Variants in KCNG3 observed in about 807,000 individuals in gnomAD.
The protein encoded by KCNG3 is voltage-gated potassium channel regulatory subunit KCNG3.
A neutral mutation model predicts 29.0 loss-of-function variants in KCNG3; 15 were observed. That is an observed-to-expected ratio of 0.52 (90% confidence interval 0.35 to 0.80). KCNG3 has a LOEUF of 0.80. Ranked by LOEUF, KCNG3 falls within the 30% of genes least tolerant of loss-of-function variation. The pLI, the probability that KCNG3 is intolerant of heterozygous loss-of-function variation, is 0.01. For missense variants in KCNG3, 512 were observed against 605.7 expected (o/e 0.85, Z 1.62); for synonymous variants, 322 against 248.9 (o/e 1.29, Z -2.76).
chr2:42,425,000 G>C, the KCNG3 span: 1 of 152,118 alleles, frequency 6.6e-6, no homozygotes, highest in South Asian at 2.1e-4. Flanking sequence ...AGGGCCTGCT[G>C]CGACAATCAG....
At chr2:42,472,497 G>C (rs946396224) in intron 1 of KCNG3, among the ~76,000 whole-genome samples, 1 of 149,242 alleles carries the variant, frequency 6.7e-6, no homozygotes, top group Non-Finnish European at 1.5e-5. Flanking sequence ...AGTAAACTTC[G>C]ACTGCATTTT....
chr2:42,433,670 TG>T, the KCNG3 span, among the ~76,000 whole-genome samples: 24 of 152,012 alleles, frequency 1.6e-4, no homozygotes, highest in Middle Eastern at 6.8e-3. Flanking sequence ...ACCCGAGAGG[TG>T]GGGGTGCAGT....
rs1456114525 is a variant in KCNG3 at position 42,444,459 on chromosome 2, G to A, written c.786C>T (p.Ile262=). The change falls in exon 2 of 2, where the codon ATC becomes ATT. Residue 262 remains isoleucine, a synonymous_variant. Coordinates refer to ENST00000306078, the MANE Select transcript of KCNG3 (RefSeq NM_133329.6). This position sits in a 1 kb window ranked among gnomAD's most constrained non-coding sequence, Gnocchi z 5.8. ...TCAACACAGAGATGTAATACGGCGT[G>A]ATTGCCAGTAAATCAATGATGTTCA... ...RPLNIIDLLA[I]TPYYISVLMT... is the part of the protein sequence containing the mutation. 2 of 1,614,072 alleles carry A rather than the reference G, an allele frequency of 1.2e-6. No individual in the cohort carries two copies. The highest frequency in any genetic ancestry group is 1.7e-6 in the Non-Finnish European group (2 of 1,180,058).
Position 42,442,200 on chromosome 2 carries a change from T to C in KCNG3, c.*1734A>G, listed in dbSNP as rs541733536. Reference sequence around the variant, plus strand: ...GAATTTCTTTTGGGTATGTAAGAAGTAGCATACTAGCAGTAATAGGGAAAA... The same window carrying C: ...GAATTTCTTTTGGGTATGTAAGAAGCAGCATACTAGCAGTAATAGGGAAAA... On this transcript the variant is annotated 3_prime_UTR_variant, in exon 2 of 2. Coordinates refer to ENST00000306078, the MANE Select transcript of KCNG3 (RefSeq NM_133329.6). 1.3e-4 allele frequency: 20 copies of C among 152,256 alleles called. No homozygotes were observed. The highest frequency in any genetic ancestry group is 4.3e-4 in the African/African-American group (18 of 41,556). The allele number at this position is 152,256 out of a possible 1,614,324, so 9.4% of individuals were successfully genotyped here.
the KCNG3 span, among the ~76,000 whole-genome samples, chr2:42,398,253 AAATAAAT>A: frequency 3.9e-4 from 50 of 129,732 alleles, no homozygotes; most frequent in Non-Finnish European, 4.6e-4. Flanking sequence ...ATAAATAAAT[AAATAAAT>A]AAATAAAATA....
the KCNG3 span, among the ~76,000 whole-genome samples, chr2:42,427,160 G>A: frequency 3.9e-5 from 6 of 152,120 alleles, no homozygotes; most frequent in Admixed American, 3.9e-4. Flanking sequence ...AGGCTACTTC[G>A]ATGTATTTTC....
the KCNG3 span, among the ~76,000 whole-genome samples, chr2:42,429,915 G>C: frequency 1.3e-5 from 2 of 152,194 alleles, no homozygotes; most frequent in African/African-American, 2.4e-5. Context: ...ACCAGACTCA[G>C]CCAGGCAGCT....
At chr2:42,475,274 T>C (rs1164876918) in intron 1 of KCNG3, among the ~76,000 whole-genome samples, 1 of 151,250 alleles carries the variant, frequency 6.6e-6, no homozygotes, top group Non-Finnish European at 1.5e-5. Context: ...CAGTGAGTTA[T>C]GATCACACCA....
chr2:42,390,886 A>G, the KCNG3 span, among the ~76,000 whole-genome samples: 1 of 152,192 alleles, frequency 6.6e-6, no homozygotes, highest in South Asian at 2.1e-4. Context: ...CGAGAGTCCA[A>G]TTTGGACTCT....
At chr2:42,477,382 T>TACACACACACACACACACACACACACAC (rs1328091998) in intron 1 of KCNG3, among the ~76,000 whole-genome samples, 2 of 105,204 alleles carry the variant, frequency 1.9e-5, no homozygotes, top group Admixed American at 1.1e-4. Flanking sequence ...TACACACACA[T>TACACACACACACACACACACACACACAC]ATATATACAC....
chr2:42,423,701 T>C, the KCNG3 span, among the ~76,000 whole-genome samples: 1 of 152,052 alleles, frequency 6.6e-6, no homozygotes, highest in African/African-American at 2.4e-5. Context: ...ACGTCTTCAA[T>C]GTTTTATTAC....
intron 1 of KCNG3, among the ~76,000 whole-genome samples, chr2:42,487,224 T>C (rs1371782380): frequency 6.6e-6 from 1 of 151,280 alleles, no homozygotes; most frequent in Non-Finnish European, 1.5e-5. Context: ...AACAAATAGA[T>C]AGTGAAAGTG....
downstream of KCNG3, among the ~76,000 whole-genome samples, chr2:42,437,181 T>TA (rs1672391718): frequency 6.6e-6 from 1 of 152,144 alleles, no homozygotes. Context: ...GATGCATACA[T>TA]AAAAAATATA....
chr2:42,448,606 G>A (rs968910942), intron 1 of KCNG3, among the ~76,000 whole-genome samples: 5 of 152,046 alleles, frequency 3.3e-5, no homozygotes, highest in African/African-American at 1.2e-4. Context: ...GTTGACCCCT[G>A]AATAACATGG....
chr2:42,389,129 G>T, the KCNG3 span, among the ~76,000 whole-genome samples: 1 of 152,094 alleles, frequency 6.6e-6, no homozygotes, highest in Non-Finnish European at 1.5e-5. Flanking sequence ...TGTTGGCCAG[G>T]CTGGTCTCAA....
chr2:42,405,187 G>A, the KCNG3 span, among the ~76,000 whole-genome samples: 10 of 152,312 alleles, frequency 6.6e-5, no homozygotes, highest in South Asian at 1.0e-3. Context: ...TATCTAATAC[G>A]TCTGGAATCA....
At chr2:42,448,756 G>A (rs1327775170) in intron 1 of KCNG3, among the ~76,000 whole-genome samples, 1 of 152,128 alleles carries the variant, frequency 6.6e-6, no homozygotes, top group Non-Finnish European at 1.5e-5. Context: ...TTGGGAGGCC[G>A]AAGCGGGCGG....
intron 1 of KCNG3, among the ~76,000 whole-genome samples, chr2:42,468,534 C>A (rs1308148310): frequency 1.2e-4 from 19 of 152,076 alleles, no homozygotes; most frequent in Admixed American, 2.6e-4. Context: ...AGATATAAAT[C>A]TAACAAAAGA....
chr2:42,455,164 A>G (rs1414503472), intron 1 of KCNG3, among the ~76,000 whole-genome samples: 2 of 152,132 alleles, frequency 1.3e-5, no homozygotes, highest in Non-Finnish European at 2.9e-5. Flanking sequence ...TATGTTCTTT[A>G]TATTTTGTAG....
Sources: allele counts gnomAD v4.1 joint callset (sites outside exome capture counted in the v4.1 genomes callset), GRCh38; gene constraint gnomAD v4.1.1; non-coding constraint Gnocchi (gnomAD v3.1); transcripts MANE v1.5; gene names NCBI Gene and HGNC (gene_info 2026-07-23, HGNC 2026-07-21).